PRKCA: variants seen among roughly 807,000 people sequenced by gnomAD.
PRKCA encodes protein kinase C alpha type.
A neutral mutation model predicts 87.0 loss-of-function variants in PRKCA; 27 were observed. That is an observed-to-expected ratio of 0.31 (90% CI 0.23 to 0.43). PRKCA has a LOEUF of 0.43. Among genes scored for constraint, PRKCA ranks in the 20% least tolerant of loss-of-function variants. The pLI, the probability that PRKCA is intolerant of heterozygous loss-of-function variation, is 1.00. For synonymous variants in PRKCA, 329 were observed against 311.1 expected (o/e 1.06, Z -0.61); for missense variants, 518 against 852.3 (o/e 0.61, Z 4.88).
intron 2 of PRKCA, among the ~76,000 whole-genome samples, chr17:66,397,852 G>T (rs1179373674): frequency 1.3e-5 from 2 of 152,152 alleles, no homozygotes; most frequent in South Asian, 2.1e-4. Context: ...AACTCTGTTT[G>T]TGACATTGTT....
chr17:66,497,351 G>A (rs756710103), intron 3 of PRKCA, among the ~76,000 whole-genome samples: 2 of 152,004 alleles, frequency 1.3e-5, no homozygotes, highest in African/African-American at 2.4e-5. Flanking sequence ...TACAAAATTA[G>A]CTGGGCGTGG....
At chr17:66,715,129 GGTTT>G (rs1359118024) in intron 8 of PRKCA, among the ~76,000 whole-genome samples, 1 of 148,804 alleles carries the variant, frequency 6.7e-6, no homozygotes, top group Non-Finnish European at 1.5e-5. Context: ...TTTGTTTTTT[GGTTT>G]TTTTTTTTTT....
chr17:66,738,453 A>G (rs946148495), intron 10 of PRKCA, among the ~76,000 whole-genome samples: 5 of 152,224 alleles, frequency 3.3e-5, no homozygotes, highest in Non-Finnish European at 7.3e-5. Context: ...GAAATTTATT[A>G]TATGTATAGG....
At chr17:66,763,791 C>G (rs960114846) in intron 13 of PRKCA, among the ~76,000 whole-genome samples, 1 of 152,008 alleles carries the variant, frequency 6.6e-6, no homozygotes, top group Non-Finnish European at 1.5e-5. Context: ...AGAGTGAAAT[C>G]CCAGTTCAAG....
chr17:66,450,319 T>G (rs1307939278), intron 2 of PRKCA, among the ~76,000 whole-genome samples: 1 of 152,144 alleles, frequency 6.6e-6, no homozygotes, highest in African/African-American at 2.4e-5. Context: ...ACAGTCCCTC[T>G]TAGTCACAGT....
At chr17:66,767,448 G>A (rs910728954) in intron 13 of PRKCA, among the ~76,000 whole-genome samples, 3 of 152,114 alleles carry the variant, frequency 2.0e-5, no homozygotes, top group African/African-American at 4.8e-5. Context: ...GTGCCCAGAA[G>A]GTGGATTTTC....
chr17:66,384,999 T>A (rs1282187916), intron 2 of PRKCA, among the ~76,000 whole-genome samples: 1 of 152,170 alleles, frequency 6.6e-6, no homozygotes, highest in Non-Finnish European at 1.5e-5. Flanking sequence ...GCCTTCCTCT[T>A]CTTTGACTTT....
intron 3 of PRKCA, among the ~76,000 whole-genome samples, chr17:66,510,498 G>A (rs1297827263): frequency 6.6e-6 from 1 of 152,164 alleles, no homozygotes; most frequent in Non-Finnish European, 1.5e-5. Flanking sequence ...TGAAGTGATG[G>A]CTTATCATGT....
In PRKCA at chr17:66,562,598, G is replaced by T. The variant is rs867397207; in HGVS notation, c.288+66315G>T. On this transcript the variant is annotated intron_variant, in intron 3 of 16. Coordinates refer to ENST00000413366, the MANE Select transcript of PRKCA (RefSeq NM_002737.3). The stretch of plus-strand genomic sequence containing the variant: ...TAGCTAAGTTTTGTTTTTTTTTGTT[G>T]TTGTTGTTGTTGTTTTTTGGCAGAG... Among the ~76,000 whole-genome samples the T allele has an allele frequency of 3.2e-4, 40 of 124,848 alleles. 1 individual carries two copies. Among genetic ancestry groups the T allele is most frequent in the South Asian group, 1.2e-3 (4 of 3,362 alleles). 81.9% of individuals were successfully genotyped at this position (124,848 alleles called of 152,430 possible).
intron 3 of PRKCA, among the ~76,000 whole-genome samples, chr17:66,572,926 A>G (rs892867277): frequency 1.3e-5 from 2 of 152,200 alleles, no homozygotes; most frequent in African/African-American, 4.8e-5. Flanking sequence ...ATTCAGTGAT[A>G]AGGGAGCTGG....
At chr17:66,687,058 G>A in intron 5 of PRKCA, 53 bp from the exon 6 acceptor site, 2 of 1,454,936 alleles carry the variant, frequency 1.4e-6, no homozygotes, top group African/African-American at 1.4e-5. Flanking sequence ...AAGACAGCGG[G>A]CAATATAGGT....
At chr17:66,778,348 C>T (rs937335437) in intron 14 of PRKCA, 13 of 511,604 alleles carry the variant, frequency 2.5e-5, no homozygotes, top group Admixed American at 1.3e-4. Flanking sequence ...CCCATCTCTA[C>T]TAAAAATGCA....
chr17:66,363,459 C>T (rs572419984), intron 2 of PRKCA, among the ~76,000 whole-genome samples: 14 of 152,228 alleles, frequency 9.2e-5, no homozygotes, highest in African/African-American at 2.6e-4. Context: ...ACCAGCCATC[C>T]GAATGTAAAG....
At chr17:66,672,382 A>G (rs753894135) in intron 5 of PRKCA, among the ~76,000 whole-genome samples, 14 of 152,242 alleles carry the variant, frequency 9.2e-5, no homozygotes, top group East Asian at 1.9e-4. Flanking sequence ...AAGAAAGTCA[A>G]AATTACAGTG....
chr17:66,500,650 A>G (rs1277866325), intron 3 of PRKCA, among the ~76,000 whole-genome samples: 4 of 152,216 alleles, frequency 2.6e-5, no homozygotes, highest in Admixed American at 1.3e-4. Flanking sequence ...ATTGGCCATG[A>G]AGAGAAACAA....
chr17:66,638,844 TAA>T (rs750464346), intron 3 of PRKCA, among the ~76,000 whole-genome samples: 36 of 141,850 alleles, frequency 2.5e-4, no homozygotes, highest in African/African-American at 8.8e-4. Flanking sequence ...CAAGACTGTC[TAA>T]AAAAAAAAAA....
At chr17:66,470,875 C>T (rs993386872) in intron 2 of PRKCA, among the ~76,000 whole-genome samples, 5 of 152,150 alleles carry the variant, frequency 3.3e-5, no homozygotes, top group African/African-American at 7.2e-5. Flanking sequence ...GCTGATTAGA[C>T]GACAACTAGC....
intron 8 of PRKCA, among the ~76,000 whole-genome samples, chr17:66,719,748 T>C (rs896818503): frequency 1.3e-5 from 2 of 152,242 alleles, no homozygotes; most frequent in Non-Finnish European, 2.9e-5. Flanking sequence ...GTCTGGAAGA[T>C]AGAGCGAGAC....
At chr17:66,753,594 T>C (rs1470775621) in intron 13 of PRKCA, among the ~76,000 whole-genome samples, 3 of 152,106 alleles carry the variant, frequency 2.0e-5, no homozygotes, top group African/African-American at 7.2e-5. Flanking sequence ...AGGACTGAAT[T>C]GCATCCCCAC....
Sources: allele counts gnomAD v4.1 joint callset (sites outside exome capture counted in the v4.1 genomes callset), GRCh38; gene constraint gnomAD v4.1.1; transcripts MANE v1.5; gene names NCBI Gene and HGNC (gene_info 2026-07-23, HGNC 2026-07-21).